The following LRMDA variants were observed in gnomAD, a reference collection of about 807,000 sequenced individuals.
LRMDA encodes leucine-rich melanocyte differentiation-associated protein.
LRMDA carries 18 observed loss-of-function variants against 29.8 expected under a neutral mutation model. The ratio of observed to expected loss-of-function variants is 0.60; its 90% CI spans 0.42 to 0.90. The LOEUF is 0.90. LRMDA is among the 40% of genes least tolerant of loss of function. The pLI, the probability that LRMDA is intolerant of heterozygous loss-of-function variation, is 0.00. For synonymous variants in LRMDA, 125 were observed against 109.4 expected (o/e 1.14, Z -0.89); for missense variants, 273 against 273.9 (o/e 1.00, Z 0.02).
intron 6 of LRMDA, among the ~76,000 whole-genome samples, chr10:76,492,403 G>A (rs1458093760): frequency 6.6e-6 from 1 of 151,978 alleles, no homozygotes; most frequent in Non-Finnish European, 1.5e-5. Context: ...CTACATTAAG[G>A]AACACGCCAA....
At chr10:75,641,750 A>G (rs1042448026) in intron 2 of LRMDA, among the ~76,000 whole-genome samples, 2 of 152,084 alleles carry the variant, frequency 1.3e-5, no homozygotes, top group African/African-American at 4.8e-5. Flanking sequence ...CGTGATTTAG[A>G]TAGATTTGGT....
At chr10:76,318,495 T>C (rs1474327723) in intron 5 of LRMDA, 3 of 152,396 alleles carry the variant, frequency 2.0e-5, no homozygotes, top group African/African-American at 4.8e-5. Context: ...AGCTTCTTAC[T>C]TGAATTACCC....
chr10:75,991,381 G>A (rs896061633), intron 2 of LRMDA, among the ~76,000 whole-genome samples: 1 of 152,156 alleles, frequency 6.6e-6, no homozygotes, highest in African/African-American at 2.4e-5. Flanking sequence ...TTGGGTTAAT[G>A]TTCCCTGATC....
At chr10:76,531,388 A>G (rs1170183244) in intron 6 of LRMDA, among the ~76,000 whole-genome samples, 2 of 152,112 alleles carry the variant, frequency 1.3e-5, no homozygotes, top group Non-Finnish European at 2.9e-5. Flanking sequence ...GAAATGCATT[A>G]AGTCTTTTGA....
chr10:75,984,754 T>C (rs1476487417), intron 2 of LRMDA, among the ~76,000 whole-genome samples: 2 of 152,240 alleles, frequency 1.3e-5, no homozygotes, highest in Admixed American at 6.5e-5. Flanking sequence ...TTTTGCATTT[T>C]GAAACTCAGA....
At chr10:76,376,043 T>C (rs1018140441) in intron 6 of LRMDA, among the ~76,000 whole-genome samples, 3 of 152,078 alleles carry the variant, frequency 2.0e-5, no homozygotes, top group African/African-American at 7.2e-5. Flanking sequence ...ACATTATTAT[T>C]ACATGGTTTT....
At chr10:76,379,550 G>C (rs1436844700) in intron 6 of LRMDA, among the ~76,000 whole-genome samples, 1 of 151,898 alleles carries the variant, frequency 6.6e-6, no homozygotes, top group Non-Finnish European at 1.5e-5. Context: ...TATTTCTGTG[G>C]TTTCAATTGT....
intron 5 of LRMDA, among the ~76,000 whole-genome samples, chr10:76,212,254 C>T (rs999128353): frequency 3.4e-4 from 51 of 149,306 alleles, no homozygotes; most frequent in African/African-American, 1.2e-3. Flanking sequence ...CACACACACA[C>T]ACACACACAC....
chr10:75,820,504 G>A (rs1844139387), intron 2 of LRMDA, among the ~76,000 whole-genome samples: 1 of 152,162 alleles, frequency 6.6e-6, no homozygotes, highest in Non-Finnish European at 1.5e-5. Context: ...TACAGCAACG[G>A]CAGTGCCAAG....
intron 2 of LRMDA, among the ~76,000 whole-genome samples, chr10:75,590,094 A>C (rs1000968543): frequency 6.6e-6 from 1 of 150,878 alleles, no homozygotes; most frequent in African/African-American, 2.4e-5. Flanking sequence ...ATCAGGGCTC[A>C]CTGCAGCCTT....
At position 76,047,143 on chromosome 10, in the gene LRMDA, A is replaced by G. The variant is rs759591698; in HGVS notation, c.259-21A>G. ...GCTAAGCCTTTTGTCTTACTGGACC[A>G]AGATTCTTAACCTTTGTCACATCAC... On this transcript the variant is annotated intron_variant, in intron 3 of 6. Coordinates refer to ENST00000611255, the MANE Select transcript of LRMDA (RefSeq NM_001305581.2). The G allele has an allele frequency of 6.2e-6, 10 of 1,613,556 alleles. No homozygotes were observed. In the East Asian group the frequency reaches 1.6e-4, roughly 25 times the overall value.
At position 75,548,490 on chromosome 10, in the gene LRMDA, C is replaced by T. The variant is rs115387840; in HGVS notation, c.131+109996C>T. Among the ~76,000 whole-genome samples, 332 of 152,212 alleles carry T rather than the reference C, an allele frequency of 2.2e-3. 1 individual carries two copies. Among genetic ancestry groups the T allele is most frequent in the African/African-American group, 7.3e-3 (304 of 41,546 alleles). On this transcript the variant is annotated intron_variant, in intron 2 of 6. Coordinates refer to ENST00000611255, the MANE Select transcript of LRMDA (RefSeq NM_001305581.2). ...AGGACCCAGCCTAGGCCTCCTTCCT[C>T]GCTAATTAGGTTCCTTCTGACCTGG... is the stretch of plus-strand genomic sequence containing the variant.
chr10:75,783,396 C>T (rs1843417727), intron 2 of LRMDA, among the ~76,000 whole-genome samples: 1 of 150,968 alleles, frequency 6.6e-6, no homozygotes. Flanking sequence ...ATTTTACAAG[C>T]TCCAAAAGGA....
chr10:76,422,973 G>A (rs1216434802), intron 6 of LRMDA, among the ~76,000 whole-genome samples: 1 of 152,182 alleles, frequency 6.6e-6, no homozygotes, highest in Non-Finnish European at 1.5e-5. Flanking sequence ...CCCACAAGTG[G>A]GCAAACCAAC....
At chr10:76,239,982 C>T (rs1222984937) in intron 5 of LRMDA, among the ~76,000 whole-genome samples, 1 of 151,784 alleles carries the variant, frequency 6.6e-6, no homozygotes, top group African/African-American at 2.4e-5. Flanking sequence ...ACACCTTAAA[C>T]ACTATATACA....
At chr10:75,650,078 A>C (rs762993753) in intron 2 of LRMDA, among the ~76,000 whole-genome samples, 1 of 152,020 alleles carries the variant, frequency 6.6e-6, no homozygotes, top group African/African-American at 2.4e-5. Context: ...TTGCCTTTGT[A>C]CTCTGTTGAT....
At chr10:75,756,717 G>A (rs1271737496) in intron 2 of LRMDA, among the ~76,000 whole-genome samples, 2 of 152,182 alleles carry the variant, frequency 1.3e-5, no homozygotes, top group African/African-American at 2.4e-5. Context: ...ATCTGTACAA[G>A]TCATGTGGGC....
intron 6 of LRMDA, chr10:76,438,432 T>G (rs1842267269): frequency 6.6e-6 from 1 of 152,278 alleles, no homozygotes; most frequent in East Asian, 1.9e-4. Context: ...GGAATCCCAT[T>G]AGGAAATTTC....
chr10:75,441,337 T>C (rs1331328056), intron 2 of LRMDA, among the ~76,000 whole-genome samples: 1 of 152,198 alleles, frequency 6.6e-6, no homozygotes, highest in East Asian at 1.9e-4. Flanking sequence ...CTGACCATCT[T>C]TCGGCTCTGT....
Sources: allele counts gnomAD v4.1 joint callset (sites outside exome capture counted in the v4.1 genomes callset), GRCh38; gene constraint gnomAD v4.1.1; transcripts MANE v1.5; gene names NCBI Gene and HGNC (gene_info 2026-07-23, HGNC 2026-07-21).